Variants in PPM1L observed in about 807,000 individuals in gnomAD.
PPM1L encodes protein phosphatase 1L.
A neutral mutation model predicts 31.4 loss-of-function variants in PPM1L; 13 were observed. The observed-to-expected ratio is 0.41, with a 90% confidence interval of 0.27 to 0.66. PPM1L has a LOEUF of 0.66. Ranked by LOEUF, PPM1L falls within the 30% of genes least tolerant of loss-of-function variation. The pLI, the probability that PPM1L is intolerant of heterozygous loss-of-function variation, is 0.29. For missense variants in PPM1L, 326 were observed against 453.7 expected, an observed-to-expected ratio of 0.72 and a Z score of 2.56; for synonymous variants, 184 against 175.4, an observed-to-expected ratio of 1.05 and a Z score of -0.39.
intron 1 of PPM1L, among the ~76,000 whole-genome samples, chr3:160,879,337 A>C (rs1415106005): frequency 6.6e-6 from 1 of 152,196 alleles, no homozygotes; most frequent in Non-Finnish European, 1.5e-5. Context: ...CCAGGAATGA[A>C]GAGTCCTCTG....
At chr3:160,890,610 A>G (rs932972590) in intron 1 of PPM1L, among the ~76,000 whole-genome samples, 6 of 152,236 alleles carry the variant, frequency 3.9e-5, no homozygotes, top group Non-Finnish European at 7.3e-5. Flanking sequence ...CATTCTTCAC[A>G]GAGTTAGAAA....
chr3:161,035,108 T>C (rs1394047144), intron 2 of PPM1L, among the ~76,000 whole-genome samples: 1 of 150,950 alleles, frequency 6.6e-6, no homozygotes, highest in Non-Finnish European at 1.5e-5. Flanking sequence ...AGGGGAAGGA[T>C]AGATGACTAG....
In PPM1L at chr3:160,756,440, G is replaced by A. The variant is rs1274263954; in HGVS notation, c.132G>A (p.Glu44=). 3 of 1,614,126 alleles carry A rather than the reference G, an allele frequency of 1.9e-6. No individual in the cohort carries two copies. Among genetic ancestry groups the A allele is most frequent in the African/African-American group, 1.3e-5 (1 of 74,940 alleles). ...ALWSYFFHTD[E]VKTIVKSSRD... ...GGAGTTACTTCTTCCACACCGACGA[G>A]GTGAAGACCATCGTGAAGTCCAGCC... Residue 44 remains glutamate (E), a synonymous_variant, in exon 1 of 4, where the codon GAG becomes GAA. Coordinates refer to ENST00000498165, the MANE Select transcript of PPM1L (RefSeq NM_139245.4). The surrounding 1 kb of genome is among the most constrained non-coding windows in gnomAD (Gnocchi z 6.2).
chr3:160,965,256 A>T (rs1041742781), intron 2 of PPM1L, among the ~76,000 whole-genome samples: 1 of 151,998 alleles, frequency 6.6e-6, no homozygotes, highest in African/African-American at 2.4e-5. Flanking sequence ...CAAAAAAAAA[A>T]AGAAAAAAGA....
chr3:160,768,764 A>G (rs1715174417), intron 1 of PPM1L, among the ~76,000 whole-genome samples: 1 of 152,176 alleles, frequency 6.6e-6, no homozygotes, highest in Admixed American at 6.5e-5. Context: ...TGCAAGTGAC[A>G]GAAAACTCAA....
chr3:161,023,320 T>A (rs1718291291), intron 2 of PPM1L, among the ~76,000 whole-genome samples: 1 of 152,178 alleles, frequency 6.6e-6, no homozygotes, highest in Non-Finnish European at 1.5e-5. Context: ...AATATTCTTT[T>A]GTTCCTTTCT....
chr3:160,786,131 C>T (rs1185405672), intron 1 of PPM1L, among the ~76,000 whole-genome samples: 1 of 87,992 alleles, frequency 1.1e-5, no homozygotes, highest in Non-Finnish European at 2.0e-5. Context: ...TCATTTTTCT[C>T]TCTCTCTCTC....
chr3:160,881,874 A>G (rs1352996375), intron 1 of PPM1L, among the ~76,000 whole-genome samples: 2 of 152,134 alleles, frequency 1.3e-5, no homozygotes, highest in African/African-American at 2.4e-5. Flanking sequence ...ACACAGTGAA[A>G]CCCCGTCTCT....
intron 1 of PPM1L, among the ~76,000 whole-genome samples, chr3:160,786,218 T>C (rs1388036933): frequency 8.8e-6 from 1 of 113,424 alleles, no homozygotes; most frequent in East Asian, 2.5e-4. Flanking sequence ...TTTTTTTTTT[T>C]TTTTTTTTTT....
intron 2 of PPM1L, among the ~76,000 whole-genome samples, chr3:160,990,695 C>T (rs376433756): frequency 2.0e-5 from 3 of 152,134 alleles, no homozygotes; most frequent in African/African-American, 7.2e-5. Flanking sequence ...TAGCTGCATT[C>T]CTGGAAAATT....
chr3:161,012,227 A>C (rs182289183), intron 2 of PPM1L, among the ~76,000 whole-genome samples: 1 of 152,306 alleles, frequency 6.6e-6, no homozygotes, highest in African/African-American at 2.4e-5. Flanking sequence ...TGTAGCATGA[A>C]GGGCTGTTGA....
chr3:160,873,817 T>C (rs1407718183), intron 1 of PPM1L, among the ~76,000 whole-genome samples: 4 of 152,066 alleles, frequency 2.6e-5, no homozygotes, highest in African/African-American at 7.2e-5. Flanking sequence ...AGAGTTCTAG[T>C]AGAATTGTGA....
At chr3:160,911,456 C>A (rs893620799) in intron 1 of PPM1L, among the ~76,000 whole-genome samples, 14 of 152,108 alleles carry the variant, frequency 9.2e-5, no homozygotes, top group African/African-American at 3.1e-4. Flanking sequence ...GGGCTTTGAC[C>A]CCAGAGCCTT....
chr3:160,886,752 G>GA (rs970745930), intron 1 of PPM1L, among the ~76,000 whole-genome samples: 1 of 151,946 alleles, frequency 6.6e-6, no homozygotes, highest in Admixed American at 6.6e-5. Context: ...AAGAAGATGA[G>GA]AAAAAAATCA....
chr3:161,049,516 G>A (rs1719200698), intron 2 of PPM1L, among the ~76,000 whole-genome samples: 1 of 152,164 alleles, frequency 6.6e-6, no homozygotes, highest in South Asian at 2.1e-4. Flanking sequence ...ACATCTTGCA[G>A]AAATTTTTAA....
At chr3:161,060,714 GA>G (rs1309297392) in intron 2 of PPM1L, among the ~76,000 whole-genome samples, 1 of 143,046 alleles carries the variant, frequency 7.0e-6, no homozygotes, top group Non-Finnish European at 1.5e-5. Flanking sequence ...TGGTCCATGT[GA>G]ATTCGCTTTT....
At chr3:160,761,037 T>C (rs1714955908) in intron 1 of PPM1L, among the ~76,000 whole-genome samples, 1 of 152,176 alleles carries the variant, frequency 6.6e-6, no homozygotes, top group South Asian at 2.1e-4. Context: ...CTGAAGAATA[T>C]ATATATAGTC....
chr3:160,835,088 T>TTCTTCTTCTTCTTC, intron 1 of PPM1L, among the ~76,000 whole-genome samples: 1 of 74,632 alleles, frequency 1.3e-5, no homozygotes, highest in East Asian at 4.9e-4. Context: ...TCTTCTTCTT[T>TTCTTCTTCTTCTTC]CTTTTTTCTT....
intron 1 of PPM1L, among the ~76,000 whole-genome samples, chr3:160,774,900 A>G (rs1310341188): frequency 6.6e-6 from 1 of 152,174 alleles, no homozygotes; most frequent in East Asian, 1.9e-4. Flanking sequence ...CTTGAGTTTC[A>G]CATCTCTATT....
Sources: allele counts gnomAD v4.1 joint callset (sites outside exome capture counted in the v4.1 genomes callset), GRCh38; gene constraint gnomAD v4.1.1; non-coding constraint Gnocchi (gnomAD v3.1); transcripts MANE v1.5; gene names NCBI Gene and HGNC (gene_info 2026-07-23, HGNC 2026-07-21).